ACBD6: variants seen among roughly 807,000 people sequenced by gnomAD.
The protein encoded by ACBD6 is acyl-CoA binding domain containing 6.
In ACBD6, 28 loss-of-function variants were observed where a neutral mutation model predicts 37.2. The observed-to-expected ratio is 0.75, with a 90% CI of 0.56 to 1.03. The LOEUF is 1.03. ACBD6 is among the 50% of genes least tolerant of loss of function. The probability of loss-of-function intolerance (pLI) is 0.00; values close to 1 mark genes in which losing one functional copy is unlikely to be tolerated. For synonymous variants in ACBD6, 113 were observed against 126.8 expected, an observed-to-expected ratio of 0.89 and a Z score of 0.73; for missense variants, 340 against 337.4, an observed-to-expected ratio of 1.01 and a Z score of -0.06.
chr1:180,492,173 A>G, intron 3 of ACBD6, 96 bp downstream of exon 3: 1 of 863,296 alleles, frequency 1.2e-6, no homozygotes, highest in South Asian at 1.5e-5. Flanking sequence ...TAAAACTTTA[A>G]GCATGTTACT....
At chr1:180,302,817 CCACTG>C (rs1650185714) in intron 7 of ACBD6, among the ~76,000 whole-genome samples, 2 of 148,856 alleles carry the variant, frequency 1.3e-5, no homozygotes, top group Non-Finnish European at 1.5e-5. Context: ...TCTCAGCATC[CCACTG>C]CACTTATTCC....
At chr1:180,460,266 T>C (rs1417224903) in intron 3 of ACBD6, among the ~76,000 whole-genome samples, 4 of 152,068 alleles carry the variant, frequency 2.6e-5, no homozygotes, top group Admixed American at 1.3e-4. Flanking sequence ...TGACAGAAGT[T>C]TGAAAACTTC....
chr1:180,495,911 T>G (rs1345052590), intron 1 of ACBD6, among the ~76,000 whole-genome samples: 1 of 152,194 alleles, frequency 6.6e-6, no homozygotes, highest in Non-Finnish European at 1.5e-5. Context: ...GAATTCATAA[T>G]TTATCAGAAT....
intron 3 of ACBD6, among the ~76,000 whole-genome samples, chr1:180,469,379 A>G (rs915078628): frequency 6.6e-6 from 1 of 152,214 alleles, no homozygotes; most frequent in Non-Finnish European, 1.5e-5. Context: ...TAGAAGTCGT[A>G]TTTCACATGC....
At chr1:180,387,395 G>A (rs898952817) in intron 6 of ACBD6, among the ~76,000 whole-genome samples, 1 of 152,154 alleles carries the variant, frequency 6.6e-6, no homozygotes, top group African/African-American at 2.4e-5. Context: ...CAGGGTGGGA[G>A]GTGATGGATA....
chr1:180,381,423 C>A (rs1197805867), intron 6 of ACBD6, among the ~76,000 whole-genome samples: 1 of 152,178 alleles, frequency 6.6e-6, no homozygotes, highest in East Asian at 1.9e-4. Context: ...ACATTCTTCT[C>A]ATCAGCATGC....
Position 180,399,361 on chromosome 1 carries a change from C to T in ACBD6, c.574-1756G>A, listed in dbSNP as rs1020313349. Reference sequence around the variant, plus strand: ...TCCGCTTACTGCAACCTCTGCCTTCCGGTTTCAAGCAGTTCTGCCTCAGCC... The same window carrying T: ...TCCGCTTACTGCAACCTCTGCCTTCTGGTTTCAAGCAGTTCTGCCTCAGCC... On this transcript the variant is annotated intron_variant, in intron 5 of 7. Transcript: ENST00000367595. Among the ~76,000 whole-genome samples, 16 of 152,240 alleles carry T rather than the reference C, an allele frequency of 1.1e-4. No homozygotes were observed. The East Asian group carries it at 2.3e-3, about 22-fold the overall frequency.
chr1:180,391,756 G>C (rs192385084), intron 6 of ACBD6, among the ~76,000 whole-genome samples: 3 of 152,058 alleles, frequency 2.0e-5, no homozygotes, highest in Admixed American at 6.6e-5. Context: ...TTCCTCAAAA[G>C]GTTAAACATA....
chr1:180,471,067 T>A (rs1650546526), intron 3 of ACBD6, among the ~76,000 whole-genome samples: 1 of 152,214 alleles, frequency 6.6e-6, no homozygotes, highest in East Asian at 1.9e-4. Context: ...CTTTTTGCAA[T>A]TGATATTTCT....
chr1:180,442,893 A>G (rs1649335013), intron 3 of ACBD6, among the ~76,000 whole-genome samples: 1 of 152,102 alleles, frequency 6.6e-6, no homozygotes, highest in Non-Finnish European at 1.5e-5. Context: ...ATATTTGTAA[A>G]GTAAGTGTTT....
At chr1:180,282,023 G>T (rs546628421) in intron 8 of ACBD6, among the ~76,000 whole-genome samples, 2 of 152,082 alleles carry the variant, frequency 1.3e-5, no homozygotes, top group South Asian at 4.2e-4. Context: ...GTGATTTCAG[G>T]ATTTTCCTTT....
intron 3 of ACBD6, among the ~76,000 whole-genome samples, chr1:180,433,861 A>G: frequency 6.6e-6 from 1 of 151,622 alleles, no homozygotes; most frequent in East Asian, 1.9e-4. Flanking sequence ...CCTGCCCTAT[A>G]CCCTAGGGGA....
At chr1:180,472,415 A>G (rs1162628339) in intron 3 of ACBD6, among the ~76,000 whole-genome samples, 2 of 152,222 alleles carry the variant, frequency 1.3e-5, no homozygotes, top group Non-Finnish European at 2.9e-5. Flanking sequence ...GCATTCCTGG[A>G]AACTCTGGAT....
chr1:180,453,198 C>A (rs1649782165), intron 3 of ACBD6, among the ~76,000 whole-genome samples: 1 of 152,186 alleles, frequency 6.6e-6, no homozygotes, highest in Non-Finnish European at 1.5e-5. Context: ...TCCAGCAGCA[C>A]ATCAAAAAGC....
intron 5 of ACBD6, 102 bp from the exon 6 acceptor site, chr1:180,397,707 T>C (rs1209392975): frequency 1.0e-6 from 1 of 980,926 alleles, no homozygotes; most frequent in Admixed American, 1.8e-5. Flanking sequence ...AATTATGGGT[T>C]AATTATTCTA....
At chr1:180,292,122 T>G (rs1337463870) in intron 7 of ACBD6, among the ~76,000 whole-genome samples, 1 of 152,184 alleles carries the variant, frequency 6.6e-6, no homozygotes, top group Admixed American at 6.5e-5. Context: ...GCCTCCAACT[T>G]TATTCTTTTT....
At chr1:180,365,367 A>T (rs1653017461) in intron 6 of ACBD6, among the ~76,000 whole-genome samples, 1 of 152,178 alleles carries the variant, frequency 6.6e-6, no homozygotes, top group African/African-American at 2.4e-5. Context: ...TTATAAATAA[A>T]TTGTGGACTA....
intron 7 of ACBD6, among the ~76,000 whole-genome samples, chr1:180,297,501 T>C (rs892416391): frequency 7.2e-5 from 11 of 152,040 alleles, no homozygotes; most frequent in African/African-American, 2.4e-4. Flanking sequence ...GAATGGAGAA[T>C]AGGAGAAAAC....
At chr1:180,326,772 A>G (rs1291441670) in intron 6 of ACBD6, among the ~76,000 whole-genome samples, 1 of 151,798 alleles carries the variant, frequency 6.6e-6, no homozygotes, top group African/African-American at 2.4e-5. Context: ...CAGGTGATGA[A>G]TCCTGCAGGA....
Sources: allele counts gnomAD v4.1 joint callset (sites outside exome capture counted in the v4.1 genomes callset), GRCh38; gene constraint gnomAD v4.1.1; transcripts MANE v1.5; gene names NCBI Gene and HGNC (gene_info 2026-07-23, HGNC 2026-07-21).